The following UNKL variants were observed in gnomAD, a reference collection of about 807,000 sequenced individuals.
The protein encoded by UNKL is putative E3 ubiquitin-protein ligase UNKL.
Under a neutral mutation model 78.0 loss-of-function variants are expected in UNKL, and 60 were observed. The ratio of observed to expected loss-of-function variants is 0.77; its 90% CI spans 0.63 to 0.95. The LOEUF (loss-of-function observed/expected upper bound fraction) is 0.95, where lower values mean the gene tolerates loss of function less well. UNKL is among the 40% of genes least tolerant of loss of function. The pLI is 0.00. For missense variants in UNKL, 1,159 were observed against 1,045.7 expected (o/e 1.11, Z -1.49); for synonymous variants, 608 against 474.8 (o/e 1.28, Z -3.65).
At position 1,363,565 on chromosome 16, in the gene UNKL, G is replaced by A. The variant is rs970780381; in HGVS notation, c.*2675C>T. Reference sequence around the variant, plus strand: ...GCAACAAGAACATGCAGAGCCGGCCGCCAGCCAGCTCCTACGCCCCGTGCC... The same window carrying A: ...GCAACAAGAACATGCAGAGCCGGCCACCAGCCAGCTCCTACGCCCCGTGCC... On this transcript the variant is annotated 3_prime_UTR_variant, in exon 15 of 15. Coordinates refer to ENST00000389221, the MANE Select transcript of UNKL (RefSeq NM_001372107.1). 6 of 223,318 alleles carry A rather than the reference G, an allele frequency of 2.7e-5. No individual in the cohort carries two copies. The highest frequency in any genetic ancestry group is 5.3e-5 in the Admixed American group (1 of 18,766). 13.8% of individuals were successfully genotyped at this position (223,318 alleles called of 1,614,324 possible). A position where few individuals can be genotyped will look rare whatever the true frequency, so the allele number is the denominator to read the frequency against.
At chr16:1,405,672 G>A (rs770478292) in intron 2 of UNKL, among the ~76,000 whole-genome samples, 3 of 152,018 alleles carry the variant, frequency 2.0e-5, no homozygotes, top group African/African-American at 4.8e-5. Context: ...AAAGCACAGA[G>A]CCATTGCTCA....
Position 1,387,682 on chromosome 16 carries a change from G to A in UNKL, c.1087-2297C>T, listed in dbSNP as rs2142103958. 6.6e-6 allele frequency among the ~76,000 whole-genome samples: 1 copy of A among 152,290 alleles called. No homozygotes were observed. Among genetic ancestry groups the A allele is most frequent in the South Asian group, 2.1e-4 (1 of 4,830 alleles). On this transcript the variant is annotated intron_variant, in intron 9 of 14. Transcript: ENST00000389221. The surrounding 1 kb of genome is among the most constrained non-coding windows in gnomAD (Gnocchi z 4.1). Reference sequence around the variant, plus strand: ...CTATCACTCAGAACCAAAAGCTCAGGATGGCAACGCACGGCCCTCCGGGGA... The same window carrying A: ...CTATCACTCAGAACCAAAAGCTCAGAATGGCAACGCACGGCCCTCCGGGGA...
chr16:1,385,145 T>C (rs985017564), intron 10 of UNKL, 63 bp downstream of exon 10: 1 of 1,185,070 alleles, frequency 8.4e-7, no homozygotes, highest in Non-Finnish European at 1.1e-6. Context: ...GCGCTGTCCC[T>C]GAAAAGCTAC....
At chr16:1,384,567 C>G (rs151150468) in intron 10 of UNKL, among the ~76,000 whole-genome samples, 2 of 152,210 alleles carry the variant, frequency 1.3e-5, no homozygotes, top group East Asian at 3.9e-4. Flanking sequence ...TCACTGTCCC[C>G]CACCCTCAGT....
chr16:1,366,664 CCT>C (rs111839687), intron 14 of UNKL, among the ~76,000 whole-genome samples: 3 of 152,324 alleles, frequency 2.0e-5, no homozygotes, highest in East Asian at 3.9e-4. Flanking sequence ...AGGCCAGGCC[CCT>C]GAGGGCAGCT....
Position 1,366,389 on chromosome 16 carries a change from A to G in UNKL, c.2053T>C (p.Phe685Leu). The G allele has an allele frequency of 1.3e-6, 2 of 1,591,310 alleles. No individual in the cohort carries two copies. Among genetic ancestry groups the G allele is most frequent in the Non-Finnish European group, 8.6e-7 (1 of 1,166,430 alleles). ...LDLEAVDGVI[F>L]QLRAKQCVAC... The stretch of plus-strand genomic sequence containing the variant: ...ACACACTGCTTGGCGCGGAGCTGGA[A>G]GATCACCTGCAGGGCCAGAACAATG... The change falls in exon 15 of 15, where the codon TTC (phenylalanine) becomes CTC (leucine). Residue 685 changes from phenylalanine to leucine, a missense_variant. Phe to Leu is a conservative substitution (Grantham distance 22). Transcript: ENST00000389221.
rs542810561 is a variant in UNKL at position 1,364,368 on chromosome 16, T to C, written c.*1872A>G. On this transcript the variant is annotated 3_prime_UTR_variant, in exon 15 of 15. Transcript: ENST00000389221. ...GTCACTGATGATAAAGATTTTTACC[T>C]AGACGTTTTGCACTTAAAAAATGCT... 6.6e-6 allele frequency: 1 copy of C among 152,376 alleles called. No homozygotes were observed. Among genetic ancestry groups the C allele is most frequent in the South Asian group, 2.1e-4 (1 of 4,828 alleles). The allele number at this position is 152,376 out of a possible 1,614,324, so 9.4% of individuals were successfully genotyped here. A position where few individuals can be genotyped will look rare whatever the true frequency, so the allele number is the denominator to read the frequency against.
rs1183875388 is a variant in UNKL, at chr16:1,403,325, T to C, written c.307A>G (p.Thr103Ala). ...TACTTGCGTTCTGTGTCCCCCGTCG[T>C]CCGGTGCAGGTAGGGACACCTGGGG... The part of the protein sequence containing the change: ...DGDECPYLHR[T>A]TGDTERKYHL... The change falls in exon 3 of 15, where the codon ACG (threonine) becomes GCG (alanine). Residue 103 changes from threonine (T) to alanine (A), a missense_variant. Coordinates refer to ENST00000389221, the MANE Select transcript of UNKL (RefSeq NM_001372107.1). The surrounding 1 kb of genome is among the most constrained non-coding windows in gnomAD (Gnocchi z 4.8). The C allele has an allele frequency of 6.2e-7, 1 of 1,614,130 alleles. No homozygotes were observed. Among genetic ancestry groups the C allele is most frequent in the Non-Finnish European group, 8.5e-7 (1 of 1,180,020 alleles).
chr16:1,392,607 G>A (rs2037094792), intron 8 of UNKL, among the ~76,000 whole-genome samples: 1 of 152,088 alleles, frequency 6.6e-6, no homozygotes, highest in African/African-American at 2.4e-5. Flanking sequence ...GTTAATTTTT[G>A]TATTTTTAGT....
At chr16:1,389,631 CA>C (rs2036960761) in intron 9 of UNKL, among the ~76,000 whole-genome samples, 2 of 152,110 alleles carry the variant, frequency 1.3e-5, no homozygotes, top group Non-Finnish European at 2.9e-5. Context: ...GGTGTGGGGG[CA>C]GGGCCCTACG....
Position 1,387,230 on chromosome 16 carries a change from A to C in UNKL, c.1087-1845T>G, listed in dbSNP as rs1317016268. On this transcript the variant is annotated intron_variant, in intron 9 of 14. Transcript: ENST00000389221. The surrounding 1 kb of genome is among the most constrained non-coding windows in gnomAD (Gnocchi z 4.1). ...CTCCCAGCCATGCAACACCGGGGACACTCCCAGCCATGCATGGTGCTGCCA... is the reference window on the plus strand; with the variant it reads ...CTCCCAGCCATGCAACACCGGGGACCCTCCCAGCCATGCATGGTGCTGCCA... Among the ~76,000 whole-genome samples the C allele has an allele frequency of 1.3e-5, 2 of 150,804 alleles. No individual in the cohort carries two copies. The highest frequency in any genetic ancestry group is 3.0e-5 in the Non-Finnish European group (2 of 67,664).
At chr16:1,398,778 C>T in intron 5 of UNKL, 1 of 1,508,406 alleles carries the variant, frequency 6.6e-7, no homozygotes, top group Non-Finnish European at 8.9e-7. Flanking sequence ...GAGAAAGGGG[C>T]TTCAGAGGCA....
intron 4 of UNKL, 199 bp downstream of exon 4, chr16:1,401,369 G>T: frequency 1.8e-6 from 1 of 560,874 alleles, no homozygotes; most frequent in Non-Finnish European, 2.7e-6. Context: ...AGGTGCGGGG[G>T]AAGGCGCCTG....
In UNKL at chr16:1,385,719, G is replaced by A. The variant is rs189041072; in HGVS notation, c.1087-334C>T. ...AAGATGTGTCAGCGGCCAGGAGCCCGCCAGCCCGAGGGGCAAGCCGTGCAG... is the reference window on the plus strand; with the variant it reads ...AAGATGTGTCAGCGGCCAGGAGCCCACCAGCCCGAGGGGCAAGCCGTGCAG... On this transcript the variant is annotated intron_variant, in intron 9 of 14. Transcript: ENST00000389221. Among the ~76,000 whole-genome samples, 6 of 152,354 alleles carry A rather than the reference G, an allele frequency of 3.9e-5. No individual in the cohort carries two copies. The South Asian group carries it at 6.2e-4, about 16-fold the overall frequency.
chr16:1,369,054 A>AGTTTT (rs2035553425), intron 12 of UNKL, among the ~76,000 whole-genome samples: 1 of 70,504 alleles, frequency 1.4e-5, no homozygotes, highest in Non-Finnish European at 2.9e-5. Flanking sequence ...CCAAAGTATT[A>AGTTTT]GTTTTTTTTT....
chr16:1,390,302 C>T (rs915534168), intron 9 of UNKL, among the ~76,000 whole-genome samples: 2 of 152,184 alleles, frequency 1.3e-5, no homozygotes, highest in African/African-American at 2.4e-5. Flanking sequence ...GCTGTTGGAA[C>T]GGCCCCATCT....
At chr16:1,395,883 C>G (rs1190600429) in intron 6 of UNKL, 2 of 409,892 alleles carry the variant, frequency 4.9e-6, no homozygotes, top group Non-Finnish European at 1.0e-5. Context: ...CAACATGAGT[C>G]AAGAAACGAC....
At chr16:1,376,844 C>T (rs572317271) in intron 10 of UNKL, among the ~76,000 whole-genome samples, 92 of 152,240 alleles carry the variant, frequency 6.0e-4, no homozygotes, top group African/African-American at 2.1e-3. Flanking sequence ...ATTTCAGCAC[C>T]GCACAGTAAT....
In UNKL at chr16:1,364,660, C is replaced by T. The variant is rs4984821; in HGVS notation, c.*1580G>A. ...ACGGGACAGGGGACCACAGCAGAGC[C>T]GGGACCTGGGGGGGGTCGCTTCCCC... On this transcript the variant is annotated 3_prime_UTR_variant, in exon 15 of 15. Transcript: ENST00000389221. 0.81 allele frequency: 116,422 copies of T among 143,922 alleles called. 46,280 individuals are homozygous for T. Among genetic ancestry groups the T allele is most frequent in the East Asian group, 0.99 (5,143 of 5,178 alleles). 8.9% of individuals were successfully genotyped at this position (143,922 alleles called of 1,614,324 possible). A position where few individuals can be genotyped will look rare whatever the true frequency, so the allele number is the denominator to read the frequency against.
Sources: allele counts gnomAD v4.1 joint callset (sites outside exome capture counted in the v4.1 genomes callset), GRCh38; gene constraint gnomAD v4.1.1; non-coding constraint Gnocchi (gnomAD v3.1); transcripts MANE v1.5; gene names NCBI Gene and HGNC (gene_info 2026-07-23, HGNC 2026-07-21).